The following PDE8B variants were observed in gnomAD, a reference collection of about 807,000 sequenced individuals.
The protein encoded by PDE8B is phosphodiesterase 8B, also known as high affinity cAMP-specific and IBMX-insensitive 3',5'-cyclic phosphodiesterase 8B.
In PDE8B, 26 loss-of-function variants were observed where a neutral mutation model predicts 101.3. The ratio of observed to expected loss-of-function variants is 0.26; its 90% CI spans 0.19 to 0.36. The LOEUF is 0.36. Among genes scored for constraint, PDE8B ranks in the 10% least tolerant of loss-of-function variants. The pLI is 1.00. For synonymous variants in PDE8B, 424 were observed against 429.3 expected (o/e 0.99, Z 0.15); for missense variants, 810 against 1,163.1 (o/e 0.70, Z 4.42).
At chr5:77,267,763 A>G (rs1424038135) in intron 1 of PDE8B, among the ~76,000 whole-genome samples, 1 of 152,348 alleles carries the variant, frequency 6.6e-6, no homozygotes, top group Admixed American at 6.5e-5. Flanking sequence ...ATGGGTAGTA[A>G]TTAAGTCAAC....
intron 1 of PDE8B, among the ~76,000 whole-genome samples, chr5:77,288,186 A>C (rs1299469373): frequency 6.6e-6 from 1 of 152,122 alleles, no homozygotes; most frequent in African/African-American, 2.4e-5. Flanking sequence ...TTCTGTTCCT[A>C]GATTGCAGCT....
At chr5:77,280,582 T>C (rs919368844) in intron 1 of PDE8B, among the ~76,000 whole-genome samples, 31 of 152,210 alleles carry the variant, frequency 2.0e-4, no homozygotes, top group African/African-American at 7.2e-4. Flanking sequence ...TTTTTCCTAA[T>C]CTCTTTACTG....
At chr5:77,106,965 A>G in the PDE8B span, among the ~76,000 whole-genome samples, 1 of 151,954 alleles carries the variant, frequency 6.6e-6, no homozygotes, top group African/African-American at 2.4e-5. Context: ...GGTTTGTTAC[A>G]TATGTATACA....
the PDE8B span, chr5:77,165,304 T>A: frequency 2.0e-5 from 3 of 152,264 alleles, no homozygotes; most frequent in African/African-American, 7.2e-5. Flanking sequence ...ATTTAATTTT[T>A]AAAAATGACA....
At chr5:77,210,610 G>A (rs1056923764), upstream of PDE8B, 1 of 981,306 alleles carries the variant, frequency 1.0e-6, no homozygotes, top group South Asian at 4.6e-5. This position sits in a 1 kb window ranked among gnomAD's most constrained non-coding sequence, Gnocchi z 4.9. Context: ...AGGGGAAGGC[G>A]GAGGCGCGGG....
the PDE8B span, among the ~76,000 whole-genome samples, chr5:77,135,543 C>T: frequency 7.1e-6 from 1 of 141,182 alleles, no homozygotes; most frequent in Non-Finnish European, 1.5e-5. Flanking sequence ...GTGGCACGAT[C>T]TCGGCTCATT....
the PDE8B span, among the ~76,000 whole-genome samples, chr5:77,132,924 C>T: frequency 1.3e-5 from 2 of 152,164 alleles, no homozygotes; most frequent in African/African-American, 2.4e-5. Flanking sequence ...AGGTTTAAAA[C>T]AATTTCACTC....
chr5:77,289,088 C>G (rs776440350), intron 1 of PDE8B, among the ~76,000 whole-genome samples: 11 of 152,272 alleles, frequency 7.2e-5, no homozygotes, highest in Admixed American at 4.6e-4. Context: ...CTAATAGACA[C>G]GTCCACACTG....
At chr5:77,353,007 A>G (rs566800211) in intron 9 of PDE8B, among the ~76,000 whole-genome samples, 1 of 152,370 alleles carries the variant, frequency 6.6e-6, no homozygotes, top group East Asian at 1.9e-4. Context: ...AATTATTAGT[A>G]TCAGCAGAAT....
At chr5:77,137,371 G>A in the PDE8B span, among the ~76,000 whole-genome samples, 516 of 152,286 alleles carry the variant, frequency 3.4e-3, 4 homozygotes, top group African/African-American at 0.011. Flanking sequence ...ATTGAGCTGG[G>A]AAAGAGCTCT....
chr5:77,218,253 G>A (rs926568177), intron 1 of PDE8B, among the ~76,000 whole-genome samples: 7 of 152,174 alleles, frequency 4.6e-5, no homozygotes, highest in Non-Finnish European at 1.0e-4. Flanking sequence ...AATATTAGTT[G>A]TTATTTAAGT....
At chr5:77,174,353 A>G in the PDE8B span, among the ~76,000 whole-genome samples, 1 of 152,100 alleles carries the variant, frequency 6.6e-6, no homozygotes, top group Non-Finnish European at 1.5e-5. Context: ...CATGTATATG[A>G]TCCCTTACCA....
chr5:77,088,108 A>C, the PDE8B span: 20,697 of 152,252 alleles, frequency 0.14, 2,732 homozygotes, highest in African/African-American at 0.35. Context: ...GCCCTCCCAC[A>C]GCCCTTTGCA....
At chr5:77,161,820 C>CT in the PDE8B span, among the ~76,000 whole-genome samples, 1 of 151,708 alleles carries the variant, frequency 6.6e-6, no homozygotes, top group Non-Finnish European at 1.5e-5. Context: ...TTCTAGCAGA[C>CT]TTTTTTTTGG....
At chr5:77,383,395 A>G (rs1331623532) in intron 10 of PDE8B, among the ~76,000 whole-genome samples, 2 of 151,952 alleles carry the variant, frequency 1.3e-5, no homozygotes, top group Non-Finnish European at 2.9e-5. Flanking sequence ...TTGCCTGTTC[A>G]CTCTGATGGT....
At chr5:77,094,015 T>A in the PDE8B span, among the ~76,000 whole-genome samples, 2 of 152,334 alleles carry the variant, frequency 1.3e-5, no homozygotes, top group East Asian at 3.9e-4. Flanking sequence ...CAGGTGTTTA[T>A]TCTTCCATAG....
chr5:77,184,876 G>T, the PDE8B span, among the ~76,000 whole-genome samples: 1 of 152,032 alleles, frequency 6.6e-6, no homozygotes, highest in Non-Finnish European at 1.5e-5. Context: ...AAAATATAAA[G>T]ATTTATTTGT....
chr5:77,230,812 C>T (rs952623237), intron 1 of PDE8B, among the ~76,000 whole-genome samples: 2 of 152,190 alleles, frequency 1.3e-5, no homozygotes, highest in African/African-American at 4.8e-5. Context: ...GAATCACTGC[C>T]TGACTCCAGT....
intron 1 of PDE8B, among the ~76,000 whole-genome samples, chr5:77,301,892 TTTTTG>T (rs528464999): frequency 4.6e-4 from 70 of 152,338 alleles, no homozygotes; most frequent in African/African-American, 1.7e-3. Context: ...TTTGGGGTTT[TTTTTG>T]TTTTGTTTTG....
Sources: allele counts gnomAD v4.1 joint callset (sites outside exome capture counted in the v4.1 genomes callset), GRCh38; gene constraint gnomAD v4.1.1; non-coding constraint Gnocchi (gnomAD v3.1); transcripts MANE v1.5; gene names NCBI Gene and HGNC (gene_info 2026-07-23, HGNC 2026-07-21).